ZNHIT3: variants seen among roughly 807,000 people sequenced by gnomAD.
ZNHIT3 encodes zinc finger HIT domain-containing protein 3.
A neutral mutation model predicts 19.9 loss-of-function variants in ZNHIT3; 27 were observed. The ratio of observed to expected loss-of-function variants is 1.36; its 90% CI spans 1.00 to 1.87. The LOEUF is 1.87. Ranked by LOEUF, ZNHIT3 falls within the 40% of genes most tolerant of loss-of-function variation. ZNHIT3 has a pLI of 0.00. For synonymous variants in ZNHIT3, 81 were observed against 65.7 expected, an observed-to-expected ratio of 1.23 and a Z score of -1.13; for missense variants, 215 against 185.6, an observed-to-expected ratio of 1.16 and a Z score of -0.92.
intron 2 of ZNHIT3, among the ~76,000 whole-genome samples, chr17:36,488,462 T>G (rs959719638): frequency 1.3e-5 from 2 of 151,950 alleles, no homozygotes; most frequent in African/African-American, 4.8e-5. Context: ...GGATAATTGC[T>G]TGAACCATGG....
chr17:36,498,350 C>G, downstream of ZNHIT3: 1 of 1,614,052 alleles, frequency 6.2e-7, no homozygotes, highest in Non-Finnish European at 8.5e-7. Context: ...CCCTGGGGAG[C>G]TGGAGGCAAG....
In ZNHIT3 at chr17:36,493,988, CAGAATTTAA is replaced by C. The variant is rs2070795580; in HGVS notation, c.277_285del (p.Lys93_Leu95del). 1 of 1,612,438 alleles carries C rather than the reference CAGAATTTAA, an allele frequency of 6.2e-7. No individual in the cohort carries two copies. Among genetic ancestry groups the C allele is most frequent in the African/African-American group, 1.3e-5 (1 of 74,892 alleles). ...TGAGGAAGAAGACAGAGTTTCTTTG[CAGAATTTAA>C]AGAATTTAGGTAAGTCTGTGCTATG... On this transcript the variant is annotated inframe_deletion, in exon 4 of 5. Coordinates refer to ENST00000617429, the MANE Select transcript of ZNHIT3 (RefSeq NM_004773.4).
downstream of ZNHIT3, among the ~76,000 whole-genome samples, chr17:36,497,309 T>C (rs72818336): frequency 0.051 from 7,495 of 147,438 alleles, 310 homozygotes; most frequent in East Asian, 0.16. Context: ...TCTCAAAAAA[T>C]TAAATAACAT....
At chr17:36,495,912 C>T, downstream of ZNHIT3, 1 of 1,174,492 alleles carries the variant, frequency 8.5e-7, no homozygotes, top group Non-Finnish European at 1.1e-6. Flanking sequence ...CTGTTTTCTT[C>T]CAAAAGTGCT....
At chr17:36,493,288 C>T (rs911766822) in intron 3 of ZNHIT3, 26 of 241,304 alleles carry the variant, frequency 1.1e-4, no homozygotes, top group Non-Finnish European at 1.8e-4. Flanking sequence ...TAGATCATCT[C>T]GCTGCTGCTG....
At position 36,495,581 on chromosome 17, in the gene ZNHIT3, T is replaced by TG; in HGVS notation, c.*181dup. ...ATGTGGCTCATGTTTCAGGCAGACT[T>TG]GGGGTCCTTAAGGTGGCAAGTCCTT... On this transcript the variant is annotated 3_prime_UTR_variant, in exon 5 of 5. Coordinates refer to ENST00000617429, the MANE Select transcript of ZNHIT3 (RefSeq NM_004773.4). The TG allele has an allele frequency of 1.5e-6, 2 of 1,307,726 alleles. No homozygotes were observed. Among genetic ancestry groups the TG allele is most frequent in the Admixed American group, 3.7e-5 (1 of 27,154 alleles). 81.0% of individuals were successfully genotyped at this position (1,307,726 alleles called of 1,614,324 possible).
rs1162534208 is a variant in ZNHIT3 at position 36,495,440 on chromosome 17, T to C, written c.*36T>C. ...TGTGCTGCTTGCTCAAGCGTGTGCT[T>C]GACTCCTGGAACCTGCCTGCTCCCT... On this transcript the variant is annotated 3_prime_UTR_variant, in exon 5 of 5. Transcript: ENST00000617429. 2 of 1,539,772 alleles carry C rather than the reference T, an allele frequency of 1.3e-6. No homozygotes were observed. The highest frequency in any genetic ancestry group is 2.3e-5 in the East Asian group (1 of 42,860).
At chr17:36,496,676 G>A (rs2071009628), downstream of ZNHIT3, among the ~76,000 whole-genome samples, 2 of 152,124 alleles carry the variant, frequency 1.3e-5, no homozygotes, top group Admixed American at 6.5e-5. Context: ...TGTTTAGCAG[G>A]CCTGTGTGTT....
chr17:36,486,708 G>T lies in ZNHIT3; in HGVS notation c.9G>T (p.Ser3=). Residue 3 remains serine (S), a synonymous_variant, in exon 1 of 5, where the codon TCG becomes TCT. Coordinates refer to ENST00000617429, the MANE Select transcript of ZNHIT3 (RefSeq NM_004773.4). ...TCTCCTTCCACAAAACCATGGCGTC[G>T]CTCAAATGTAGCACCGTCGTCTGCG... MA[S]LKCSTVVCVI... is the part of the protein sequence containing the mutation. The T allele has an allele frequency of 6.2e-7, 1 of 1,613,816 alleles. No individual in the cohort carries two copies. The highest frequency in any genetic ancestry group is 1.1e-5 in the South Asian group (1 of 91,068).
downstream of ZNHIT3, chr17:36,496,112 G>T: frequency 8.3e-7 from 1 of 1,208,676 alleles, no homozygotes; most frequent in Non-Finnish European, 1.2e-6. Flanking sequence ...CGGGGCTCTG[G>T]GTCGAAGGCT....
downstream of ZNHIT3, chr17:36,496,516 G>A: frequency 1.0e-6 from 1 of 974,978 alleles, no homozygotes; most frequent in Non-Finnish European, 1.5e-6. Context: ...ACAAGTACTA[G>A]TATTGGGGGC....
chr17:36,488,971 C>T (rs2070658998), intron 2 of ZNHIT3, among the ~76,000 whole-genome samples: 1 of 152,224 alleles, frequency 6.6e-6, no homozygotes, highest in African/African-American at 2.4e-5. Flanking sequence ...TAGCCCCCTA[C>T]ACTCTACTCT....
In ZNHIT3 at chr17:36,487,547, A is replaced by C. The variant is rs562725974; in HGVS notation, c.118+581A>C. Among the ~76,000 whole-genome samples, 20 of 152,348 alleles carry C rather than the reference A, an allele frequency of 1.3e-4. No individual in the cohort carries two copies. In the East Asian group the frequency reaches 3.7e-3, roughly 28 times the overall value. Reference sequence around the variant, plus strand: ...GGTGGCTCACGCCTGTGGTCCCGGCACTTTGAGAGGCCAAGGCGGGTGGAT... The same window carrying C: ...GGTGGCTCACGCCTGTGGTCCCGGCCCTTTGAGAGGCCAAGGCGGGTGGAT... On this transcript the variant is annotated intron_variant, in intron 2 of 4. Coordinates refer to ENST00000617429, the MANE Select transcript of ZNHIT3 (RefSeq NM_004773.4).
intron 2 of ZNHIT3, 163 bp from the exon 3 acceptor site, chr17:36,492,648 ATC>A: frequency 1.5e-6 from 1 of 646,074 alleles, no homozygotes. Context: ...GTTTTCCTTA[ATC>A]TCTCTCTTGC....
intron 4 of ZNHIT3, 124 bp downstream of exon 4, chr17:36,494,130 A>G (rs1484706369): frequency 4.0e-5 from 27 of 682,656 alleles, no homozygotes; most frequent in Non-Finnish European, 5.7e-5. Context: ...CTATCTAGCC[A>G]CATAATCTGT....
At position 36,495,385 on chromosome 17, in the gene ZNHIT3, C is replaced by T. The variant is rs1394729679; in HGVS notation, c.449C>T (p.Ser150Phe). 1.2e-6 allele frequency: 2 copies of T among 1,607,970 alleles called. No homozygotes were observed. Among genetic ancestry groups the T allele is most frequent in the South Asian group, 2.2e-5 (2 of 89,864 alleles). The stretch of plus-strand genomic sequence containing the variant: ...TGCTGTTTAGGAATTGTGGAGCCAT[C>T]CCAGAATGAGGAGTCTTAAGATGGA... The part of the protein sequence containing the change: ...ADCCLGIVEP[S>F]QNEES The change falls in exon 5 of 5, where the codon TCC becomes TTC. Residue 150 changes from serine (S) to phenylalanine (F), a missense_variant. Transcript: ENST00000617429.
At chr17:36,496,559 CAG>C (rs2070997160), downstream of ZNHIT3, among the ~76,000 whole-genome samples, 4 of 152,288 alleles carry the variant, frequency 2.6e-5, no homozygotes, top group South Asian at 8.3e-4. Context: ...TACATCCACT[CAG>C]TGTGAGACAG....
Position 36,495,499 on chromosome 17 carries a change from C to T in ZNHIT3, c.*95C>T. On this transcript the variant is annotated 3_prime_UTR_variant, in exon 5 of 5. Transcript: ENST00000617429. ...CCAGCTAGTTTGGGGCTGGGGAGCT[C>T]AGGCAAAAGAGGTTTCCAGGATGCA... 7.1e-7 allele frequency: 1 copy of T among 1,418,016 alleles called. No individual in the cohort carries two copies. The highest frequency in any genetic ancestry group is 9.2e-7 in the Non-Finnish European group (1 of 1,088,350). The allele number at this position is 1,418,016 out of a possible 1,614,324, so 87.8% of individuals were successfully genotyped here.
rs1364100242 is a variant in ZNHIT3 at position 36,495,752 on chromosome 17, C to T, written c.*348C>T. On this transcript the variant is annotated 3_prime_UTR_variant, in exon 5 of 5. Transcript: ENST00000617429. ...TTAATAAAATCAAAACGTGATTCTA[C>T]TGTACATTGCATTATTCATAATTTA... 8.8e-6 allele frequency: 11 copies of T among 1,245,488 alleles called. No homozygotes were observed. The highest frequency in any genetic ancestry group is 1.1e-5 in the Non-Finnish European group (11 of 995,968). The allele number at this position is 1,245,488 out of a possible 1,614,324, so 77.2% of individuals were successfully genotyped here. A position where few individuals can be genotyped will look rare whatever the true frequency, so the allele number is the denominator to read the frequency against.
Sources: gnomAD v4.1 joint callset for allele counts (sites outside exome capture counted in the v4.1 genomes callset) on GRCh38, gnomAD v4.1.1 for gene constraint, MANE v1.5 for transcripts, NCBI Gene and HGNC (gene_info 2026-07-23, HGNC 2026-07-21) for gene names.